Variants in LINGO2 observed in about 807,000 individuals in gnomAD.
The protein encoded by LINGO2 is leucine-rich repeat and immunoglobulin-like domain-containing nogo receptor-interacting protein 2.
LINGO2 carries 14 observed loss-of-function variants against 30.6 expected under a neutral mutation model. That is an observed-to-expected ratio of 0.46 (90% confidence interval 0.30 to 0.72). LINGO2 has a LOEUF of 0.72. Among genes scored for constraint, LINGO2 ranks in the 30% least tolerant of loss-of-function variants. LINGO2 has a pLI of 0.07. For synonymous variants in LINGO2, 317 were observed against 288.5 expected (o/e 1.10, Z -1.00); for missense variants, 729 against 751.7 (o/e 0.97, Z 0.35).
chr9:28,855,382 C>G, the LINGO2 span, among the ~76,000 whole-genome samples: 1 of 151,990 alleles, frequency 6.6e-6, no homozygotes, highest in Non-Finnish European at 1.5e-5. Context: ...CAGAGTAATG[C>G]ATTCGTAACC....
At chr9:28,292,365 C>T (rs752878466) in intron 4 of LINGO2, among the ~76,000 whole-genome samples, 3 of 152,150 alleles carry the variant, frequency 2.0e-5, no homozygotes, top group Non-Finnish European at 4.4e-5. Flanking sequence ...TTCCAACAGT[C>T]TGAGGATTTT....
chr9:28,042,202 A>G (rs370093741), intron 4 of LINGO2, among the ~76,000 whole-genome samples: 1 of 152,312 alleles, frequency 6.6e-6, no homozygotes, highest in African/African-American at 2.4e-5. Context: ...TTTGCTTTCA[A>G]TTTAAAACTC....
chr9:28,926,387 A>C, the LINGO2 span, among the ~76,000 whole-genome samples: 5 of 152,164 alleles, frequency 3.3e-5, no homozygotes, highest in Non-Finnish European at 7.4e-5. Context: ...GTTTTATCAC[A>C]TTGCTTTTTA....
At chr9:28,761,749 T>C in the LINGO2 span, among the ~76,000 whole-genome samples, 4 of 151,974 alleles carry the variant, frequency 2.6e-5, no homozygotes, top group Non-Finnish European at 5.9e-5. Context: ...GGCAAAAATA[T>C]GGTAACACAA....
At position 28,069,975 on chromosome 9, in the gene LINGO2, C is replaced by T. The variant is rs146585132; in HGVS notation, c.-86-57570G>A. 4.5e-4 allele frequency among the ~76,000 whole-genome samples: 69 copies of T among 152,300 alleles called. 1 individual carries two copies. In the East Asian group the frequency reaches 9.1e-3, roughly 20 times the overall value. On this transcript the variant is annotated intron_variant, in intron 4 of 5. Coordinates refer to ENST00000379992, the Ensembl canonical transcript of LINGO2. ...ACAGAGCAGGGGCAGCTCAAGAAGCCGCTCATAGTGGGCAACAGCAGATGG... is the reference window on the plus strand; with the variant it reads ...ACAGAGCAGGGGCAGCTCAAGAAGCTGCTCATAGTGGGCAACAGCAGATGG...
At chr9:28,914,077 T>A in the LINGO2 span, among the ~76,000 whole-genome samples, 2 of 152,136 alleles carry the variant, frequency 1.3e-5, no homozygotes, top group Non-Finnish European at 2.9e-5. Flanking sequence ...TTTCCTGTGA[T>A]AAAGCATACA....
chr9:28,691,807 T>C, the LINGO2 span, among the ~76,000 whole-genome samples: 2 of 152,164 alleles, frequency 1.3e-5, no homozygotes, highest in Non-Finnish European at 2.9e-5. Context: ...CTAGCAACAA[T>C]AGCTACAATT....
chr9:28,875,550 G>A, the LINGO2 span, among the ~76,000 whole-genome samples: 1 of 151,818 alleles, frequency 6.6e-6, no homozygotes, highest in Non-Finnish European at 1.5e-5. Flanking sequence ...TTAAATCCAG[G>A]ATCCAAAAAG....
At chr9:28,908,560 T>C in the LINGO2 span, among the ~76,000 whole-genome samples, 3 of 151,862 alleles carry the variant, frequency 2.0e-5, no homozygotes, top group African/African-American at 7.2e-5. Flanking sequence ...GAAAATATTA[T>C]TTTAAAAAGT....
chr9:29,212,469 G>A, the LINGO2 span, among the ~76,000 whole-genome samples: 11 of 152,072 alleles, frequency 7.2e-5, no homozygotes, highest in South Asian at 2.3e-3. Flanking sequence ...CGAGTCCGCA[G>A]GCCGGGTGCC....
chr9:28,218,701 G>T (rs1405255386), intron 4 of LINGO2, among the ~76,000 whole-genome samples: 1 of 151,966 alleles, frequency 6.6e-6, no homozygotes, highest in South Asian at 2.1e-4. Flanking sequence ...TGGCTTCTAA[G>T]AATTTTGTAC....
intron 1 of LINGO2, among the ~76,000 whole-genome samples, chr9:28,628,169 G>T (rs960045489): frequency 2.0e-5 from 3 of 152,046 alleles, no homozygotes; most frequent in Admixed American, 6.6e-5. Context: ...CCATGCAGCA[G>T]ATTTCAGTAC....
At chr9:27,981,512 A>T (rs1820853055) in intron 5 of LINGO2, among the ~76,000 whole-genome samples, 1 of 145,798 alleles carries the variant, frequency 6.9e-6, no homozygotes, top group South Asian at 2.2e-4. Flanking sequence ...AGATGATATG[A>T]AAGGATAAAT....
At chr9:29,073,809 G>C in the LINGO2 span, among the ~76,000 whole-genome samples, 1 of 152,124 alleles carries the variant, frequency 6.6e-6, no homozygotes, top group Non-Finnish European at 1.5e-5. Flanking sequence ...ATTAGTCTGA[G>C]TTACTGGCAA....
chr9:28,956,455 A>T, the LINGO2 span, among the ~76,000 whole-genome samples: 1 of 152,100 alleles, frequency 6.6e-6, no homozygotes. Context: ...CTGTTTCTTT[A>T]TCTGTAAAGT....
intron 2 of LINGO2, among the ~76,000 whole-genome samples, chr9:28,432,901 C>G (rs1220050412): frequency 6.6e-6 from 1 of 151,874 alleles, no homozygotes; most frequent in Non-Finnish European, 1.5e-5. Flanking sequence ...CACAATTCCA[C>G]TAGTAGAAAA....
At chr9:28,469,545 G>A (rs1247115190) in intron 2 of LINGO2, among the ~76,000 whole-genome samples, 3 of 152,066 alleles carry the variant, frequency 2.0e-5, no homozygotes, top group Non-Finnish European at 2.9e-5. Flanking sequence ...GCCAAAAACA[G>A]GGAGAGAATA....
At chr9:28,640,648 AG>A (rs1827528803) in intron 1 of LINGO2, among the ~76,000 whole-genome samples, 1 of 151,734 alleles carries the variant, frequency 6.6e-6, no homozygotes, top group South Asian at 2.1e-4. Context: ...TTCGTCACGT[AG>A]TTCTCGTGCC....
intron 1 of LINGO2, among the ~76,000 whole-genome samples, chr9:28,658,110 T>C (rs572641414): frequency 6.6e-6 from 1 of 152,112 alleles, no homozygotes; most frequent in Non-Finnish European, 1.5e-5. Flanking sequence ...TCAGAAAATA[T>C]AATTTGTATG....
Sources: gnomAD v4.1 joint callset for allele counts (sites outside exome capture counted in the v4.1 genomes callset) on GRCh38, gnomAD v4.1.1 for gene constraint, MANE v1.5 for transcripts, NCBI Gene and HGNC (gene_info 2026-07-23, HGNC 2026-07-21) for gene names.